The following PARVA variants were observed in gnomAD, a reference collection of about 807,000 sequenced individuals.
PARVA encodes parvin alpha.
Under a neutral mutation model 52.6 loss-of-function variants are expected in PARVA, and 25 were observed. The observed-to-expected ratio is 0.48, with a 90% CI of 0.35 to 0.66. The LOEUF (loss-of-function observed/expected upper bound fraction) is 0.66. Among genes scored for constraint, PARVA ranks in the 30% least tolerant of loss-of-function variants. The probability of loss-of-function intolerance (pLI) is 0.01; values close to 1 mark genes in which losing one functional copy is unlikely to be tolerated. For synonymous variants in PARVA, 185 were observed against 179.1 expected (o/e 1.03, Z -0.26); for missense variants, 373 against 450.9 (o/e 0.83, Z 1.56).
At chr11:12,450,345 ATT>A (rs1940606071) in intron 1 of PARVA, among the ~76,000 whole-genome samples, 1 of 152,180 alleles carries the variant, frequency 6.6e-6, no homozygotes. Context: ...TAATTTGTGT[ATT>A]TCTTAGATTA....
chr11:12,444,447 C>T (rs1193385883), intron 1 of PARVA, among the ~76,000 whole-genome samples: 1 of 147,982 alleles, frequency 6.8e-6, no homozygotes, highest in Non-Finnish European at 1.5e-5. Context: ...CTTTGCTTTT[C>T]TTTTTTTTTT....
At chr11:12,412,389 C>T (rs1324964448) in intron 1 of PARVA, among the ~76,000 whole-genome samples, 1 of 152,176 alleles carries the variant, frequency 6.6e-6, no homozygotes, top group Non-Finnish European at 1.5e-5. Context: ...AGAGATTAAC[C>T]CTTGGGTGGG....
rs1554904930 is a variant in PARVA, at chr11:12,533,808, C to CGGA, written c.*5906_*5908dup. Among the ~76,000 whole-genome samples the CGGA allele has an allele frequency of 0.084, 12,679 of 150,174 alleles. 647 individuals carry two copies. Among genetic ancestry groups the CGGA allele is most frequent in the Middle Eastern group, 0.13 (39 of 294 alleles). On this transcript the variant is annotated 3_prime_UTR_variant, in exon 13 of 13. Coordinates refer to ENST00000334956, the MANE Select transcript of PARVA (RefSeq NM_018222.5). ...CCTCATGGTCATCACATTGAGTAGGCGGAGGAGGAGGAGGAGGAGGAGGAG... is the reference window on the plus strand; with the variant it reads ...CCTCATGGTCATCACATTGAGTAGGCGGAGGAGGAGGAGGAGGAGGAGGAGGAG...
chr11:12,414,257 G>C (rs992835421), intron 1 of PARVA, among the ~76,000 whole-genome samples: 1 of 152,168 alleles, frequency 6.6e-6, no homozygotes, highest in Admixed American at 6.5e-5. Context: ...AAAACAAAAA[G>C]AGCTAGAGAT....
intron 1 of PARVA, among the ~76,000 whole-genome samples, chr11:12,393,621 G>A (rs990435231): frequency 6.6e-6 from 1 of 152,126 alleles, no homozygotes; most frequent in Non-Finnish European, 1.5e-5. Flanking sequence ...GGACTCAGTG[G>A]GAGGTCTTGG....
intron 1 of PARVA, among the ~76,000 whole-genome samples, chr11:12,443,952 T>C (rs1426590): frequency 0.98 from 149,307 of 152,310 alleles, 73,256 homozygotes; most frequent in Middle Eastern, 1. Flanking sequence ...ATCTCATTCC[T>C]GTTTGCCTCA....
chr11:12,377,559 A>AGCCGCAGCCTCAGTCCC (rs2134936100), upstream of PARVA: 5 of 1,486,894 alleles, frequency 3.4e-6, no homozygotes, highest in East Asian at 5.7e-5. Flanking sequence ...CCGTTTGGAA[A>AGCCGCAGCCTCAGTCCC]GCCGCAGCCT....
rs558399711 is a variant in PARVA at position 12,436,281 on chromosome 11, C to T, written c.137-37464C>T. Among the ~76,000 whole-genome samples, 11 of 152,292 alleles carry T rather than the reference C, an allele frequency of 7.2e-5. No individual in the cohort carries two copies. The East Asian group carries it at 1.9e-3, about 27-fold the overall frequency. ...GACTAATTATAAACCTGACAACTCA[C>T]CAAAAATTTTTTATTAACCTGTCTC... On this transcript the variant is annotated intron_variant, in intron 1 of 12. Coordinates refer to ENST00000334956, the MANE Select transcript of PARVA (RefSeq NM_018222.5).
chr11:12,382,927 A>G (rs569973071), intron 1 of PARVA, among the ~76,000 whole-genome samples: 22 of 152,320 alleles, frequency 1.4e-4, no homozygotes, highest in African/African-American at 5.1e-4. Context: ...TGACAACTCA[A>G]TTTTCATTGG....
chr11:12,385,812 G>A (rs543468284), intron 1 of PARVA, among the ~76,000 whole-genome samples: 6 of 152,248 alleles, frequency 3.9e-5, no homozygotes, highest in Middle Eastern at 3.4e-3. Context: ...AAGCATGTAC[G>A]TGTACATGAG....
intron 9 of PARVA, 79 bp downstream of exon 9, chr11:12,513,439 C>G (rs773558185): frequency 7.7e-7 from 1 of 1,303,992 alleles, no homozygotes. Flanking sequence ...CTGCAGCTTG[C>G]GAGCTTCCTG....
At chr11:12,473,323 A>G (rs1393150809) in intron 1 of PARVA, among the ~76,000 whole-genome samples, 2 of 152,180 alleles carry the variant, frequency 1.3e-5, no homozygotes, top group Non-Finnish European at 2.9e-5. Context: ...CTTACAGCGT[A>G]CATATAGCCT....
In PARVA at chr11:12,527,922, G is replaced by A. The variant is rs567405275; in HGVS notation, c.1116G>A (p.Glu372=). The change falls in exon 13 of 13, where the codon GAG becomes GAA. Residue 372 remains glutamate, a synonymous_variant. Transcript: ENST00000334956. ...TCTTCACCAAGTACCGTAACGTGGA[G>A]TGAGGGGCTGCCCTGGGCCCACCAC... The part of the protein sequence containing the change: ...YNLFTKYRNV[E] 11 of 1,610,968 alleles carry A rather than the reference G, an allele frequency of 6.8e-6. No individual in the cohort carries two copies. The African/African-American group carries it at 1.3e-4, about 20-fold the overall frequency.
intron 4 of PARVA, among the ~76,000 whole-genome samples, chr11:12,490,985 G>T (rs1303163710): frequency 6.6e-6 from 1 of 151,940 alleles, no homozygotes; most frequent in African/African-American, 2.4e-5. Context: ...AAAATGGAAT[G>T]AGAAAGAATG....
intron 1 of PARVA, among the ~76,000 whole-genome samples, chr11:12,427,602 CA>C (rs1311889962): frequency 6.6e-6 from 1 of 151,660 alleles, no homozygotes; most frequent in African/African-American, 2.4e-5. Flanking sequence ...CTACAACAGA[CA>C]TTTTTTTTTA....
intron 12 of PARVA, among the ~76,000 whole-genome samples, chr11:12,521,887 C>T (rs1392126427): frequency 2.6e-5 from 4 of 152,128 alleles, no homozygotes; most frequent in African/African-American, 7.2e-5. Flanking sequence ...TTCCATCCCC[C>T]ACTTGGAAAG....
At chr11:12,520,096 A>C (rs1941618622) in intron 12 of PARVA, among the ~76,000 whole-genome samples, 1 of 152,224 alleles carries the variant, frequency 6.6e-6, no homozygotes, top group African/African-American at 2.4e-5. Flanking sequence ...GGGACAGATA[A>C]TTTTCCCAAT....
chr11:12,466,348 C>G (rs1163986371), intron 1 of PARVA, among the ~76,000 whole-genome samples: 2 of 150,896 alleles, frequency 1.3e-5, no homozygotes, highest in Non-Finnish European at 2.9e-5. Flanking sequence ...GCTCTGTTGC[C>G]CAGGCTGGAG....
chr11:12,439,452 T>A (rs1336781665), intron 1 of PARVA, among the ~76,000 whole-genome samples: 1 of 152,224 alleles, frequency 6.6e-6, no homozygotes, highest in East Asian at 1.9e-4. Flanking sequence ...CATTATTGAA[T>A]TAACCAAAGT....
Sources: allele counts gnomAD v4.1 joint callset (sites outside exome capture counted in the v4.1 genomes callset), GRCh38; gene constraint gnomAD v4.1.1; transcripts MANE v1.5; gene names NCBI Gene and HGNC (gene_info 2026-07-23, HGNC 2026-07-21).